Variants in GAB3 observed in about 807,000 individuals in gnomAD.
GAB3 encodes GRB2 associated binding protein 3.
A neutral mutation model predicts 40.4 loss-of-function variants in GAB3; 12 were observed. That is an observed-to-expected ratio of 0.30 (90% CI 0.19 to 0.48). The LOEUF is 0.48. Among genes scored for constraint, GAB3 ranks in the 20% least tolerant of loss-of-function variants. The pLI, the probability that GAB3 is intolerant of heterozygous loss-of-function variation, is 0.99. For synonymous variants in GAB3, 154 were observed against 176.7 expected (o/e 0.87, Z 1.02); for missense variants, 381 against 461.9 (o/e 0.82, Z 1.61).
chrX:154,734,298 GT>G lies in GAB3; in HGVS notation c.72+16655del, dbSNP rs782343950. Among the ~76,000 whole-genome samples the G allele has an allele frequency of 3.5e-5, 4 of 113,284 alleles. No homozygotes were observed. In the East Asian group the frequency reaches 1.1e-3, roughly 31 times the overall value. ...GGGGCCTAGCTGTCACTTTGCTGCTGTTGCCTTTTAGTAAGTAATAGCCAAA... is the reference window on the plus strand; with the variant it reads ...GGGGCCTAGCTGTCACTTTGCTGCTGTGCCTTTTAGTAAGTAATAGCCAAA... On this transcript the variant is annotated intron_variant, in intron 1 of 9. Transcript: ENST00000424127.
At chrX:154,704,885 G>T (rs923524591) in intron 4 of GAB3, among the ~76,000 whole-genome samples, 2 of 111,584 alleles carry the variant, frequency 1.8e-5, no homozygotes, top group Non-Finnish European at 3.8e-5. Context: ...GATTGAATCA[G>T]AAAGAACTAG....
intron 1 of GAB3, among the ~76,000 whole-genome samples, chrX:154,743,839 A>G (rs2071482854): frequency 8.9e-6 from 1 of 111,851 alleles, no homozygotes; most frequent in Non-Finnish European, 1.9e-5. Flanking sequence ...GAACAAATGA[A>G]TAACAGCTAG....
intron 8 of GAB3, 102 bp from the exon 9 acceptor site, chrX:154,680,350 C>T (rs1426763792): frequency 2.5e-5 from 13 of 519,855 alleles, no homozygotes; most frequent in South Asian, 1.6e-4. Flanking sequence ...GCCATCAGAT[C>T]GTAACAGAAT....
At chrX:154,689,712 A>G (rs12384626) in intron 8 of GAB3, among the ~76,000 whole-genome samples, 51,624 of 109,600 alleles carry the variant, frequency 0.47, 10,882 homozygotes, top group East Asian at 0.77. Flanking sequence ...CTTACAAGGG[A>G]TATGAAGGAC....
At chrX:154,722,919 C>T (rs1205751081) in intron 1 of GAB3, among the ~76,000 whole-genome samples, 7 of 111,177 alleles carry the variant, frequency 6.3e-5, no homozygotes, top group Non-Finnish European at 1.3e-4. Context: ...GCTCTTGTCG[C>T]CCAGGCTGGA....
intron 1 of GAB3, 56 bp from the exon 2 acceptor site, chrX:154,716,385 G>A: frequency 9.5e-7 from 1 of 1,054,710 alleles, no homozygotes; most frequent in Middle Eastern, 3.6e-4. Flanking sequence ...TGTTTCTCAG[G>A]CTATGCCAAG....
chrX:154,710,316 C>CCA (rs2070916932), intron 4 of GAB3, among the ~76,000 whole-genome samples: 1 of 111,481 alleles, frequency 9.0e-6, no homozygotes, highest in African/African-American at 3.3e-5. Flanking sequence ...TGTCTAGAAC[C>CCA]TGACCAGCTG....
At chrX:154,750,068 A>G (rs2071589257) in intron 1 of GAB3, among the ~76,000 whole-genome samples, 2 of 112,795 alleles carry the variant, frequency 1.8e-5, no homozygotes, top group South Asian at 7.2e-4. Context: ...CAGAGAAATT[A>G]GGAATTAAGA....
At chrX:154,749,740 AAC>A (rs1264287712) in intron 1 of GAB3, among the ~76,000 whole-genome samples, 1 of 112,707 alleles carries the variant, frequency 8.9e-6, no homozygotes, top group African/African-American at 3.2e-5. Flanking sequence ...CTAAGAGAGA[AAC>A]ACACACTGTC....
At chrX:154,745,911 G>T (rs912237911) in intron 1 of GAB3, among the ~76,000 whole-genome samples, 6 of 110,372 alleles carry the variant, frequency 5.4e-5, no homozygotes, top group African/African-American at 1.7e-4. Context: ...AATTAGCCAG[G>T]CATGGTGGTG....
chrX:154,738,502 A>G (rs782761070), intron 1 of GAB3, among the ~76,000 whole-genome samples: 11 of 112,257 alleles, frequency 9.8e-5, no homozygotes, highest in Non-Finnish European at 2.1e-4. Flanking sequence ...TGGGCAGCAT[A>G]TTATGTAACC....
At chrX:154,684,519 G>T (rs1276661924) in intron 8 of GAB3, among the ~76,000 whole-genome samples, 1 of 111,037 alleles carries the variant, frequency 9.0e-6, no homozygotes, top group African/African-American at 3.3e-5. Context: ...TCATGTATTT[G>T]TAATTATTAT....
chrX:154,730,515 G>T (rs1487713360), intron 1 of GAB3, among the ~76,000 whole-genome samples: 1 of 112,134 alleles, frequency 8.9e-6, no homozygotes, highest in Non-Finnish European at 1.9e-5. Context: ...CCCAAGACCT[G>T]CTCCTCTAAG....
At chrX:154,687,633 C>CAAAA (rs144999605) in intron 8 of GAB3, among the ~76,000 whole-genome samples, 3 of 23,406 alleles carry the variant, frequency 1.3e-4, no homozygotes, top group Admixed American at 5.4e-4. Flanking sequence ...GACTCTGTCT[C>CAAAA]AAAAAAAAAA....
chrX:154,697,284 C>T (rs1332010536), intron 6 of GAB3, 71 bp from the exon 7 acceptor site: 2 of 731,724 alleles, frequency 2.7e-6, no homozygotes, highest in Non-Finnish European at 2.0e-6. Context: ...TGACATTTCA[C>T]TTTCCCAGCA....
chrX:154,710,003 G>A (rs904788194), intron 4 of GAB3, among the ~76,000 whole-genome samples: 1 of 111,383 alleles, frequency 9.0e-6, no homozygotes, highest in Non-Finnish European at 1.9e-5. Flanking sequence ...GAACAAGTCT[G>A]GGGGATCCAA....
rs377311686 is a variant in GAB3 at position 154,709,737 on chromosome X, A to G, written c.1069+2492T>C. 1.8e-4 allele frequency among the ~76,000 whole-genome samples: 20 copies of G among 111,762 alleles called. No homozygotes were observed. In the East Asian group the frequency reaches 3.9e-3, roughly 22 times the overall value. On this transcript the variant is annotated intron_variant, in intron 4 of 9. Transcript: ENST00000424127. ...AATGGATATAAAAAATGTGGTATAT[A>G]TTCAGAATGGAATATTACTCAGCCT... is the stretch of plus-strand genomic sequence containing the variant.
chrX:154,696,246 T>G (rs951610066), intron 7 of GAB3, among the ~76,000 whole-genome samples: 1 of 102,049 alleles, frequency 9.8e-6, no homozygotes, highest in Non-Finnish European at 2.0e-5. Context: ...AGGCCCTCTA[T>G]GTGACACAGC....
chrX:154,718,694 G>A (rs782706241), intron 1 of GAB3, among the ~76,000 whole-genome samples: 22 of 111,303 alleles, frequency 2.0e-4, no homozygotes, highest in South Asian at 7.6e-4. Flanking sequence ...CAGGGAAGGG[G>A]CTCAGGGGAT....
Sources: gnomAD v4.1 joint callset for allele counts (sites outside exome capture counted in the v4.1 genomes callset) on GRCh38, gnomAD v4.1.1 for gene constraint, MANE v1.5 for transcripts, NCBI Gene and HGNC (gene_info 2026-07-23, HGNC 2026-07-21) for gene names.